Variants in TAPBPL observed in about 807,000 individuals in gnomAD.
TAPBPL encodes the protein tapasin-related protein.
In TAPBPL, 32 loss-of-function variants were observed where a neutral mutation model predicts 44.8. The observed-to-expected ratio is 0.71, with a 90% CI of 0.54 to 0.96. The LOEUF is 0.96. Ranked by LOEUF, TAPBPL falls within the 40% of genes least tolerant of loss-of-function variation. TAPBPL has a pLI of 0.00. For missense variants in TAPBPL, 520 were observed against 586.6 expected, an observed-to-expected ratio of 0.89 and a Z score of 1.17; for synonymous variants, 230 against 240.7, an observed-to-expected ratio of 0.96 and a Z score of 0.41.
At chr12:6,455,136 G>A (rs994847990) in intron 3 of TAPBPL, among the ~76,000 whole-genome samples, 1 of 152,024 alleles carries the variant, frequency 6.6e-6, no homozygotes, top group Non-Finnish European at 1.5e-5. Context: ...AGATCCACCA[G>A]TTGTTAACAA....
chr12:6,453,491 G>T lies in TAPBPL; in HGVS notation c.340G>T (p.Asp114Tyr). Residue 114 changes from aspartate (D) to tyrosine (Y), a missense_variant, in exon 3 of 7, where the codon GAC becomes TAC. Transcript: ENST00000266556. The surrounding 1 kb of genome is among the most constrained non-coding windows in gnomAD (Gnocchi z 4.8). ...CCAGGCCGAGGCCTTGCTCCATGCT[G>T]ACTGCAGTGGGAAGGAGGTGACCTG... ...IPQAEALLHA[D>Y]CSGKEVTCEI... The T allele has an allele frequency of 6.2e-7, 1 of 1,614,168 alleles. No homozygotes were observed. The highest frequency in any genetic ancestry group is 1.1e-5 in the South Asian group (1 of 91,070).
chr12:6,470,541 A>G, downstream of TAPBPL: 2 of 1,613,996 alleles, frequency 1.2e-6, no homozygotes, highest in Non-Finnish European at 1.7e-6. Context: ...TTTTTCTGAC[A>G]GAGAGAGTGA....
intron 4 of TAPBPL, among the ~76,000 whole-genome samples, chr12:6,458,058 G>C (rs1339986078): frequency 2.0e-5 from 3 of 152,200 alleles, no homozygotes; most frequent in Non-Finnish European, 2.9e-5. Flanking sequence ...AGCAGTGGAA[G>C]CGGTTCTGAC....
intron 4 of TAPBPL, 62 bp downstream of exon 4, chr12:6,457,806 C>T: frequency 2.1e-6 from 3 of 1,445,722 alleles, no homozygotes; most frequent in Middle Eastern, 3.7e-4. Context: ...GGAGCGTTTC[C>T]AGATTGGGAC....
chr12:6,462,554 A>G (rs1949903486), downstream of TAPBPL: 1 of 553,048 alleles, frequency 1.8e-6, no homozygotes, highest in African/African-American at 1.9e-5. Context: ...AAGAGGGTAC[A>G]GGGTGGGTGA....
At chr12:6,462,860 G>C (rs1171966219), downstream of TAPBPL, 3 of 1,605,196 alleles carry the variant, frequency 1.9e-6, no homozygotes, top group Non-Finnish European at 2.6e-6. Flanking sequence ...AGGACGAAGG[G>C]AATGTGGGAA....
Position 6,457,460 on chromosome 12 carries a change from C to T in TAPBPL, c.620C>T (p.Ser207Leu), listed in dbSNP as rs1949728941. ...TQSLSFLLGSSASLDCGFSMA... is the reference protein window; with the variant it reads ...TQSLSFLLGSLASLDCGFSMA... ...TCCCTGAGCTTCCTGCTGGGGTCCTCAGCCTCCTTGGACTGTGGCTTCTCC... is the reference window on the plus strand; with the variant it reads ...TCCCTGAGCTTCCTGCTGGGGTCCTTAGCCTCCTTGGACTGTGGCTTCTCC... Residue 207 changes from serine to leucine, a missense_variant, in exon 4 of 7, where the codon TCA becomes TTA. Ser to Leu is a moderately radical substitution (Grantham distance 145). Transcript: ENST00000266556. 1 of 1,614,180 alleles carries T rather than the reference C, an allele frequency of 6.2e-7. No individual in the cohort carries two copies. The highest frequency in any genetic ancestry group is 8.5e-7 in the Non-Finnish European group (1 of 1,180,002).
At chr12:6,465,164 C>A, downstream of TAPBPL, 1 of 585,542 alleles carries the variant, frequency 1.7e-6, no homozygotes, top group Non-Finnish European at 2.9e-6. Context: ...ACAGGACCTG[C>A]ATTGAGCTCC....
chr12:6,454,205 A>G (rs1388453488), intron 3 of TAPBPL, among the ~76,000 whole-genome samples: 5 of 151,956 alleles, frequency 3.3e-5, no homozygotes, highest in African/African-American at 1.2e-4. Flanking sequence ...GCGAAGGCCC[A>G]TGCCTGTAAT....
chr12:6,468,803 T>G (rs570433967), downstream of TAPBPL, among the ~76,000 whole-genome samples: 2 of 152,286 alleles, frequency 1.3e-5, no homozygotes, highest in South Asian at 4.1e-4. Flanking sequence ...AGTCATGAGA[T>G]GTTCTCGGCC....
chr12:6,452,284 C>T lies in TAPBPL; in HGVS notation c.36C>T (p.Cys12=), dbSNP rs1202468761. 9 of 1,575,568 alleles carry T rather than the reference C, an allele frequency of 5.7e-6. No homozygotes were observed. The East Asian group carries it at 2.1e-4, about 36-fold the overall frequency. ...GTQEGWCLLL[C]LALSGAAETK... ...AGGAGGGCTGGTGCCTGCTGCTCTG[C>T]CTGGCTCTATCTGGAGCAGCAGAAA... The change falls in exon 1 of 7, where the codon TGC becomes TGT. Residue 12 remains cysteine, a synonymous_variant. Coordinates refer to ENST00000266556, the MANE Select transcript of TAPBPL (RefSeq NM_018009.5).
downstream of TAPBPL, chr12:6,464,108 C>T (rs1949944526): frequency 7.5e-7 from 1 of 1,327,818 alleles, no homozygotes; most frequent in Admixed American, 2.2e-5. Context: ...CACCGATACT[C>T]TTCTCCTCCC....
chr12:6,464,041 T>C, downstream of TAPBPL: 1 of 1,296,206 alleles, frequency 7.7e-7, no homozygotes, highest in Non-Finnish European at 1.0e-6. Context: ...AGCTGCCATC[T>C]TCCCAGCCCC....
At chr12:6,465,048 AAAC>A, downstream of TAPBPL, 2 of 1,536,248 alleles carry the variant, frequency 1.3e-6, no homozygotes, top group Admixed American at 1.9e-5. Flanking sequence ...ACAATGGAAA[AAAC>A]CACCCATCAC....
At chr12:6,465,660 C>G (rs1157423830), downstream of TAPBPL, among the ~76,000 whole-genome samples, 1 of 151,830 alleles carries the variant, frequency 6.6e-6, no homozygotes, top group Non-Finnish European at 1.5e-5. Context: ...TCTAGCCTAC[C>G]CTGGTGGCCA....
At chr12:6,461,936 G>C in intron 6 of TAPBPL, 98 bp from the exon 7 acceptor site, 2 of 945,016 alleles carry the variant, frequency 2.1e-6, no homozygotes, top group Non-Finnish European at 3.3e-6. Context: ...ACCTAGGAAG[G>C]AGCACAGGAG....
downstream of TAPBPL, chr12:6,470,900 GC>G (rs3217078): frequency 0.42 from 135,700 of 320,720 alleles, 29,768 homozygotes; most frequent in African/African-American, 0.54. Context: ...CATAGTTTGC[GC>G]TCCAGTCTGG....
chr12:6,458,862 C>A lies in TAPBPL; in HGVS notation c.1122C>A (p.Gly374=). ...CCTCCTCTCTCACCGCAGAACCTGG[C>A]TCTGCAGGTGCCACTTACACCTGCC... The part of the protein sequence containing the change: ...SISSSLTAEP[G]SAGATYTCQV... Residue 374 remains glycine (G), a synonymous_variant, in exon 5 of 7, where the codon GGC becomes GGA. Coordinates refer to ENST00000266556, the MANE Select transcript of TAPBPL (RefSeq NM_018009.5). 1.2e-6 allele frequency: 2 copies of A among 1,614,204 alleles called. No individual in the cohort carries two copies. Among genetic ancestry groups the A allele is most frequent in the Non-Finnish European group, 1.7e-6 (2 of 1,180,044 alleles).
downstream of TAPBPL, chr12:6,464,963 A>G: frequency 6.2e-7 from 1 of 1,613,262 alleles, no homozygotes; most frequent in African/African-American, 1.3e-5. Flanking sequence ...TGGACAAAAA[A>G]TGAGCCCTTG....
Sources: gnomAD v4.1 joint callset for allele counts (sites outside exome capture counted in the v4.1 genomes callset) on GRCh38, gnomAD v4.1.1 for gene constraint, Gnocchi (gnomAD v3.1) non-coding constraint, MANE v1.5 for transcripts, NCBI Gene and HGNC (gene_info 2026-07-23, HGNC 2026-07-21) for gene names.